Variants in SIRPB2 observed in about 807,000 individuals in gnomAD.
SIRPB2 encodes signal regulatory protein beta 2, also known as signal-regulatory protein beta-2.
In SIRPB2, 18 loss-of-function variants were observed where a neutral mutation model predicts 27.1. The observed-to-expected ratio is 0.66, with a 90% confidence interval of 0.46 to 0.98. SIRPB2 has a LOEUF of 0.98. Among genes scored for constraint, SIRPB2 ranks in the 50% least tolerant of loss-of-function variants. The pLI, the probability that SIRPB2 is intolerant of heterozygous loss-of-function variation, is 0.00. For synonymous variants in SIRPB2, 150 were observed against 164.6 expected (o/e 0.91, Z 0.68); for missense variants, 420 against 417.4 (o/e 1.01, Z -0.06).
intron 1 of SIRPB2, among the ~76,000 whole-genome samples, chr20:1,487,125 C>T (rs191844923): frequency 1.4e-4 from 21 of 152,016 alleles, no homozygotes; most frequent in African/African-American, 2.4e-4. Flanking sequence ...GCAAGGTGGA[C>T]GATAAAAGAT....
chr20:1,484,739 T>C (rs1309203342), intron 1 of SIRPB2, among the ~76,000 whole-genome samples: 2 of 151,336 alleles, frequency 1.3e-5, no homozygotes, highest in Non-Finnish European at 2.9e-5. Context: ...AAATATATGC[T>C]GGTAAGGTTG....
At chr20:1,485,421 A>C (rs1393610776) in intron 1 of SIRPB2, among the ~76,000 whole-genome samples, 1 of 152,198 alleles carries the variant, frequency 6.6e-6, no homozygotes, top group Admixed American at 6.5e-5. Context: ...GAACTGAAGG[A>C]AAATGAAAAC....
intron 1 of SIRPB2, among the ~76,000 whole-genome samples, chr20:1,482,781 C>T (rs1030274787): frequency 1.3e-5 from 2 of 151,270 alleles, no homozygotes; most frequent in African/African-American, 2.4e-5. Context: ...TTTTTTTTCA[C>T]GGTTGAATAG....
chr20:1,472,949 C>G (rs937435296), downstream of SIRPB2: 1 of 152,258 alleles, frequency 6.6e-6, no homozygotes, highest in African/African-American at 2.4e-5. Context: ...GCAGGGCTCT[C>G]TTCCTCACCT....
rs1039227015 is a variant in SIRPB2 at position 1,478,444 on chromosome 20, G to A, written c.615C>T (p.Tyr205=). The A allele has an allele frequency of 8.7e-6, 14 of 1,614,060 alleles. No individual in the cohort carries two copies. The African/African-American group carries it at 1.5e-4, about 17-fold the overall frequency. ...QGAGLSREAI[Y]NFGGISHPKE... ...TGGGGTGGGAGATGCCTCCAAAGTT[G>A]TAAATGGCCTCCCGGCTCAGACCAG... Residue 205 remains tyrosine (Y), a synonymous_variant, in exon 3 of 5, where the codon TAC becomes TAT. Transcript: ENST00000359801.
intron 3 of SIRPB2, 104 bp from the exon 4 acceptor site, chr20:1,477,507 T>C (rs2090618292): frequency 9.2e-6 from 14 of 1,521,620 alleles, no homozygotes; most frequent in Non-Finnish European, 1.1e-5. Flanking sequence ...CCAGTTTCTA[T>C]GTGGGTATGG....
chr20:1,482,820 CTA>C lies in SIRPB2; in HGVS notation c.86-2757_86-2756del, dbSNP rs199633782. ...TCCATTGTGGGTGTGCTTGGGGACA[CTA>C]TATATATGTATTTTTTTTATCAATT... On this transcript the variant is annotated intron_variant, in intron 1 of 4. Coordinates refer to ENST00000359801, the MANE Select transcript of SIRPB2 (RefSeq NM_001122962.2). Among the ~76,000 whole-genome samples the C allele has an allele frequency of 7.2e-3, 1,099 of 151,790 alleles. 24 individuals are homozygous for C. The highest frequency in any genetic ancestry group is 0.026 in the African/African-American group (1,064 of 41,280).
At chr20:1,478,672 C>T in intron 2 of SIRPB2, 65 bp from the exon 3 acceptor site, 1 of 1,339,440 alleles carries the variant, frequency 7.5e-7, no homozygotes, top group Non-Finnish European at 1.0e-6. Flanking sequence ...TCATTTCCTA[C>T]CTGGTGTTTT....
intron 1 of SIRPB2, among the ~76,000 whole-genome samples, chr20:1,484,504 A>C (rs1001256834): frequency 1.2e-4 from 18 of 151,998 alleles, no homozygotes; most frequent in Non-Finnish European, 2.1e-4. Flanking sequence ...ACAACTCAAC[A>C]GTTAAAAAAA....
At chr20:1,485,653 C>CA (rs1555799540) in intron 1 of SIRPB2, among the ~76,000 whole-genome samples, 2,274 of 147,114 alleles carry the variant, frequency 0.015, 65 homozygotes, top group African/African-American at 0.055. Flanking sequence ...CACACACACA[C>CA]CACACACACA....
At position 1,476,921 on chromosome 20, in the gene SIRPB2, C is replaced by T. The variant is rs1409527567; in HGVS notation, c.859+417G>A. The T allele has an allele frequency of 9.4e-6, 11 of 1,172,580 alleles. No homozygotes were observed. In the Admixed American group the frequency reaches 4.4e-4, roughly 47 times the overall value. The allele number at this position is 1,172,580 out of a possible 1,614,324, so 72.6% of individuals were successfully genotyped here. On this transcript the variant is annotated intron_variant, in intron 4 of 4. Coordinates refer to ENST00000359801, the MANE Select transcript of SIRPB2 (RefSeq NM_001122962.2). ...GAAGTAGGGTCTCTGATTCTTGTCC[C>T]CTCCCCGCTAGTTCATAGAGTCAGA...
At chr20:1,480,114 C>T (rs746616606) in intron 1 of SIRPB2, 49 bp from the exon 2 acceptor site, 1 of 1,535,138 alleles carries the variant, frequency 6.5e-7, no homozygotes, top group Non-Finnish European at 8.7e-7. Context: ...GGACTTGGAG[C>T]CCTAAATGAC....
rs2090775194 is a variant in SIRPB2 at position 1,491,334 on chromosome 20, G to T, written c.26C>A (p.Thr9Asn). Residue 9 changes from threonine (T) to asparagine (N), a missense_variant, in exon 1 of 5, where the codon ACC becomes AAC. Transcript: ENST00000359801. ...GCAGGGAGGCAAGTGGGCCAGGCAG[G>T]TGGGGGCCGACATCGTGGAGCACAT... MCSTMSAP[T>N]CLAHLPPCFL... The T allele has an allele frequency of 1.9e-6, 3 of 1,610,740 alleles. No homozygotes were observed. The highest frequency in any genetic ancestry group is 2.5e-6 in the Non-Finnish European group (3 of 1,178,868).
chr20:1,476,954 C>A, intron 4 of SIRPB2: 2 of 1,200,738 alleles, frequency 1.7e-6, no homozygotes, highest in East Asian at 5.6e-5. Context: ...AGATACCAGA[C>A]TCAAGGGGCG....
intron 1 of SIRPB2, among the ~76,000 whole-genome samples, chr20:1,489,455 A>T (rs375531340): frequency 6.6e-6 from 1 of 152,214 alleles, no homozygotes; most frequent in African/African-American, 2.4e-5. Context: ...AGAAGGAAGC[A>T]CTCAGAAAGT....
downstream of SIRPB2, among the ~76,000 whole-genome samples, chr20:1,471,401 C>T (rs575619939): frequency 2.0e-5 from 3 of 152,284 alleles, no homozygotes; most frequent in East Asian, 3.9e-4. Flanking sequence ...ACAGAAATCA[C>T]AAATGTAATA....
At chr20:1,486,909 G>A (rs888353918) in intron 1 of SIRPB2, among the ~76,000 whole-genome samples, 9 of 152,092 alleles carry the variant, frequency 5.9e-5, no homozygotes, top group Admixed American at 5.9e-4. Context: ...TGTTTTCCCT[G>A]CAGATCAGGA....
downstream of SIRPB2, chr20:1,470,877 A>T (rs541312053): frequency 1.3e-5 from 2 of 152,338 alleles, no homozygotes. Context: ...ACGAATAATC[A>T]TGTAAGATTC....
intron 1 of SIRPB2, among the ~76,000 whole-genome samples, chr20:1,482,982 C>T (rs1731837485): frequency 6.6e-6 from 1 of 152,114 alleles, no homozygotes; most frequent in African/African-American, 2.4e-5. Flanking sequence ...TCTAGGATTG[C>T]TGGATCATAT....
Sources: allele counts gnomAD v4.1 joint callset (sites outside exome capture counted in the v4.1 genomes callset), GRCh38; gene constraint gnomAD v4.1.1; transcripts MANE v1.5; gene names NCBI Gene and HGNC (gene_info 2026-07-23, HGNC 2026-07-21).